The following MAGI1 variants were observed in gnomAD, a reference collection of about 807,000 sequenced individuals.
MAGI1 encodes the protein membrane associated guanylate kinase, WW and PDZ domain containing 1, also known as membrane-associated guanylate kinase, WW and PDZ domain-containing protein 1.
Under a neutral mutation model 139.9 loss-of-function variants are expected in MAGI1, and 58 were observed. That is an observed-to-expected ratio of 0.41 (90% CI 0.34 to 0.52). The LOEUF (loss-of-function observed/expected upper bound fraction) is 0.52, where lower values mean the gene tolerates loss of function less well. Ranked by LOEUF, MAGI1 falls within the 20% of genes least tolerant of loss-of-function variation. The pLI, the probability that MAGI1 is intolerant of heterozygous loss-of-function variation, is 0.12. For synonymous variants in MAGI1, 812 were observed against 737.9 expected, an observed-to-expected ratio of 1.10 and a Z score of -1.63; for missense variants, 1,874 against 1,901.6, an observed-to-expected ratio of 0.99 and a Z score of 0.27.
intron 1 of MAGI1, among the ~76,000 whole-genome samples, chr3:65,737,592 T>C (rs1045367364): frequency 3.9e-5 from 6 of 152,242 alleles, no homozygotes; most frequent in South Asian, 2.1e-4. Flanking sequence ...TGGCAGGTGG[T>C]AGCTCACTCA....
chr3:65,838,291 G>A (rs1390977487), intron 1 of MAGI1, among the ~76,000 whole-genome samples: 1 of 151,732 alleles, frequency 6.6e-6, no homozygotes, highest in East Asian at 1.9e-4. Context: ...CAGCCTGGGT[G>A]ACAGAGTGAG....
intron 1 of MAGI1, among the ~76,000 whole-genome samples, chr3:65,884,298 A>G (rs2108541024): frequency 6.6e-6 from 1 of 152,362 alleles, no homozygotes; most frequent in South Asian, 2.1e-4. Context: ...GCACATAGCG[A>G]TACTGTGCAT....
At chr3:65,926,268 G>T (rs2062498115) in intron 1 of MAGI1, among the ~76,000 whole-genome samples, 1 of 150,748 alleles carries the variant, frequency 6.6e-6, no homozygotes, top group Non-Finnish European at 1.5e-5. Flanking sequence ...GTAAATAAAA[G>T]AATGTTATTG....
chr3:65,973,856 T>C (rs1250424667), intron 1 of MAGI1, among the ~76,000 whole-genome samples: 1 of 152,184 alleles, frequency 6.6e-6, no homozygotes, highest in Non-Finnish European at 1.5e-5. Context: ...CTTTTTGTTT[T>C]CAGAACAATT....
At chr3:65,582,686 G>C (rs2081493861) in intron 2 of MAGI1, among the ~76,000 whole-genome samples, 1 of 152,108 alleles carries the variant, frequency 6.6e-6, no homozygotes, top group South Asian at 2.1e-4. Flanking sequence ...TCTCTGTCTT[G>C]AACTTTACAC....
chr3:66,034,000 A>T (rs2068779393), intron 1 of MAGI1, among the ~76,000 whole-genome samples: 1 of 152,122 alleles, frequency 6.6e-6, no homozygotes, highest in African/African-American at 2.4e-5. Flanking sequence ...TTATTCTAGA[A>T]CCCAGGTCAC....
intron 1 of MAGI1, among the ~76,000 whole-genome samples, chr3:66,023,889 AC>A (rs2068091191): frequency 6.6e-6 from 1 of 152,150 alleles, no homozygotes; most frequent in African/African-American, 2.4e-5. Context: ...GACCCGGCAG[AC>A]CAGGGCCCTG....
intron 1 of MAGI1, among the ~76,000 whole-genome samples, chr3:65,933,843 C>T (rs1327305926): frequency 2.0e-5 from 3 of 152,098 alleles, no homozygotes; most frequent in Admixed American, 6.6e-5. Flanking sequence ...ATCCCCATTC[C>T]GGTCAGGTGC....
Position 65,597,929 on chromosome 3 carries a change from G to C in MAGI1, c.430+24043C>G, listed in dbSNP as rs757369762. The C allele has an allele frequency of 9.1e-5, 41 of 452,696 alleles. 1 individual carries two copies. The highest frequency in any genetic ancestry group is 6.1e-4 in the South Asian group (39 of 64,312). The allele number at this position is 452,696 out of a possible 1,614,324, so 28.0% of individuals were successfully genotyped here. On this transcript the variant is annotated intron_variant, in intron 2 of 22. Coordinates refer to ENST00000402939, the MANE Select transcript of MAGI1 (RefSeq NM_001033057.2). ...GGCTGTAAAGAGAGGCGGGGGTGGG[G>C]GGGGGGTGGGACCGAACCCCTTCCT...
rs80334219 is a variant in MAGI1 at position 65,473,757 on chromosome 3, A to G, written c.758-3273T>C. On this transcript the variant is annotated intron_variant, in intron 4 of 22. Transcript: ENST00000402939. ...TTAATTTCCTGGAGGAAAAAAAAAA[A>G]TCCCTTCAGCAACGAGATCTTACTT... 6.7e-5 allele frequency among the ~76,000 whole-genome samples: 10 copies of G among 150,258 alleles called. No individual in the cohort carries two copies. In the South Asian group the frequency reaches 1.9e-3, roughly 29 times the overall value.
intron 1 of MAGI1, among the ~76,000 whole-genome samples, chr3:65,821,022 G>C (rs968853857): frequency 2.7e-5 from 4 of 150,448 alleles, no homozygotes; most frequent in African/African-American, 7.3e-5. Flanking sequence ...CTGACCCCAG[G>C]AGCCGGGGGT....
intron 1 of MAGI1, among the ~76,000 whole-genome samples, chr3:65,780,654 A>G (rs264110): frequency 0.14 from 21,832 of 152,254 alleles, 2,135 homozygotes; most frequent in South Asian, 0.38. Flanking sequence ...TTAAAAATAA[A>G]TCATTACTTT....
At chr3:65,911,021 C>T (rs2061645530) in intron 1 of MAGI1, among the ~76,000 whole-genome samples, 1 of 151,498 alleles carries the variant, frequency 6.6e-6, no homozygotes. Context: ...GCACACCCGG[C>T]TAATTTTTGT....
intron 1 of MAGI1, among the ~76,000 whole-genome samples, chr3:65,679,934 C>T (rs562454453): frequency 5.3e-5 from 8 of 152,314 alleles, no homozygotes; most frequent in Admixed American, 2.0e-4. Flanking sequence ...ACTAGGACTA[C>T]TGTAGGACCA....
chr3:66,009,382 T>C (rs2067203558), intron 1 of MAGI1, among the ~76,000 whole-genome samples: 1 of 152,046 alleles, frequency 6.6e-6, no homozygotes, highest in South Asian at 2.1e-4. Flanking sequence ...TGGTGGCCGG[T>C]GCTTGTAATC....
chr3:65,433,297 G>C (rs1203137034), intron 10 of MAGI1, among the ~76,000 whole-genome samples: 1 of 152,060 alleles, frequency 6.6e-6, no homozygotes, highest in Admixed American at 6.6e-5. Flanking sequence ...GTTAGAAAAC[G>C]TGAAAATGTG....
chr3:66,011,207 G>A (rs1168294722), intron 1 of MAGI1, among the ~76,000 whole-genome samples: 1 of 152,206 alleles, frequency 6.6e-6, no homozygotes, highest in African/African-American at 2.4e-5. Context: ...CTTCAAGGGT[G>A]TCCCCACATG....
chr3:65,412,093 A>G (rs1006010072), intron 12 of MAGI1, among the ~76,000 whole-genome samples: 1 of 151,938 alleles, frequency 6.6e-6, no homozygotes, highest in African/African-American at 2.4e-5. Flanking sequence ...TTAAAGACAA[A>G]CTCTTTGTTC....
At chr3:66,006,807 T>TTTTGC (rs1274331113) in intron 1 of MAGI1, among the ~76,000 whole-genome samples, 1 of 139,590 alleles carries the variant, frequency 7.2e-6, no homozygotes, top group African/African-American at 3.1e-5. Context: ...AAGAACATGG[T>TTTTGC]TTTGTTTTGT....
Sources: gnomAD v4.1 joint callset for allele counts (sites outside exome capture counted in the v4.1 genomes callset) on GRCh38, gnomAD v4.1.1 for gene constraint, MANE v1.5 for transcripts, NCBI Gene and HGNC (gene_info 2026-07-23, HGNC 2026-07-21) for gene names.